The following OPCML variants were observed in gnomAD, a reference collection of about 807,000 sequenced individuals.
OPCML encodes the protein opioid binding protein/cell adhesion molecule like.
A neutral mutation model predicts 37.8 loss-of-function variants in OPCML; 13 were observed. The ratio of observed to expected loss-of-function variants is 0.34; its 90% CI spans 0.22 to 0.55. OPCML has a LOEUF of 0.55. Ranked by LOEUF, OPCML falls within the 20% of genes least tolerant of loss-of-function variation. The pLI, the probability that OPCML is intolerant of heterozygous loss-of-function variation, is 0.91. For synonymous variants in OPCML, 176 were observed against 168.8 expected, an observed-to-expected ratio of 1.04 and a Z score of -0.33; for missense variants, 341 against 435.6, an observed-to-expected ratio of 0.78 and a Z score of 1.93.
At chr11:133,179,035 C>T (rs1937696476) in intron 1 of OPCML, among the ~76,000 whole-genome samples, 1 of 152,138 alleles carries the variant, frequency 6.6e-6, no homozygotes, top group Admixed American at 6.5e-5. Context: ...CCCCATTTTC[C>T]TCTAGGCACC....
intron 2 of OPCML, among the ~76,000 whole-genome samples, chr11:132,896,797 G>A (rs76830065): frequency 0.034 from 5,114 of 152,264 alleles, 283 homozygotes; most frequent in African/African-American, 0.12. Flanking sequence ...ATCAGAGCAC[G>A]GGAGATAATC....
chr11:133,517,829 G>A (rs765436000), intron 1 of OPCML, among the ~76,000 whole-genome samples: 9 of 152,312 alleles, frequency 5.9e-5, no homozygotes, highest in South Asian at 4.2e-4. Context: ...AACCACAGCC[G>A]CTCTTTCAGG....
chr11:132,517,020 T>C (rs933356197), intron 4 of OPCML, among the ~76,000 whole-genome samples: 13 of 152,090 alleles, frequency 8.5e-5, no homozygotes, highest in Non-Finnish European at 1.8e-4. Context: ...CTCTATCTCT[T>C]CTACATATGA....
intron 1 of OPCML, among the ~76,000 whole-genome samples, chr11:133,103,492 G>A (rs568752608): frequency 5.4e-4 from 82 of 152,202 alleles, no homozygotes; most frequent in Non-Finnish European, 1.1e-3. Flanking sequence ...ATCAAACAAC[G>A]AGGGCCAGGC....
At chr11:132,820,309 A>T (rs1430202239) in intron 2 of OPCML, among the ~76,000 whole-genome samples, 7 of 152,166 alleles carry the variant, frequency 4.6e-5, no homozygotes. Context: ...AGGAAGGAAA[A>T]GAAGCCAAAG....
intron 1 of OPCML, among the ~76,000 whole-genome samples, chr11:133,445,866 T>C (rs1946463647): frequency 6.6e-6 from 1 of 151,692 alleles, no homozygotes; most frequent in South Asian, 2.1e-4. Context: ...GTGGAAGATA[T>C]AAAGTTGATT....
At chr11:132,439,087 C>T (rs966070107) in intron 4 of OPCML, among the ~76,000 whole-genome samples, 1 of 152,114 alleles carries the variant, frequency 6.6e-6, no homozygotes, top group South Asian at 2.1e-4. Flanking sequence ...CTAGTGGGAG[C>T]AATCCATTTG....
Position 132,815,840 on chromosome 11 carries a change from A to T in OPCML, c.146+127086T>A, listed in dbSNP as rs548117950. On this transcript the variant is annotated intron_variant, in intron 2 of 7. Transcript: ENST00000524381. The stretch of plus-strand genomic sequence containing the variant: ...GAAGAAGAAAGAGATACTGGATGGC[A>T]TGAAATCCTGAAGAAGAATGCAACA... 2.0e-5 allele frequency among the ~76,000 whole-genome samples: 3 copies of T among 152,368 alleles called. No individual in the cohort carries two copies. The South Asian group carries it at 6.2e-4, about 32-fold the overall frequency.
chr11:133,412,929 A>G (rs78672855), intron 1 of OPCML, among the ~76,000 whole-genome samples: 13,763 of 152,228 alleles, frequency 0.09, 1,822 homozygotes, highest in African/African-American at 0.29. Flanking sequence ...TGCTTAAAAT[A>G]TCTTCCTTCA....
At chr11:133,042,415 G>C (rs572539050) in intron 1 of OPCML, among the ~76,000 whole-genome samples, 1 of 152,158 alleles carries the variant, frequency 6.6e-6, no homozygotes, top group African/African-American at 2.4e-5. Context: ...CAGTTCTGCC[G>C]GCTAGGCGCA....
chr11:133,205,969 T>G lies in OPCML; in HGVS notation c.62-262959A>C, dbSNP rs1265743022. 6.6e-6 allele frequency among the ~76,000 whole-genome samples: 1 copy of G among 152,190 alleles called. No homozygotes were observed. On this transcript the variant is annotated intron_variant, in intron 1 of 7. Transcript: ENST00000524381. This position sits in a 1 kb window ranked among gnomAD's most constrained non-coding sequence, Gnocchi z 4.8. Reference sequence around the variant, plus strand: ...TCTTGCACAAGTTATGTATATCCACTTAGCCCCAGCTCCCTGATGGGTGAG... The same window carrying G: ...TCTTGCACAAGTTATGTATATCCACGTAGCCCCAGCTCCCTGATGGGTGAG...
intron 2 of OPCML, among the ~76,000 whole-genome samples, chr11:132,662,527 T>G (rs1942028081): frequency 6.6e-6 from 1 of 152,014 alleles, no homozygotes; most frequent in Non-Finnish European, 1.5e-5. Context: ...CCGACAAAGT[T>G]CCTGCCCTAT....
At chr11:133,180,525 A>C (rs1169553255) in intron 1 of OPCML, among the ~76,000 whole-genome samples, 13 of 152,168 alleles carry the variant, frequency 8.5e-5, no homozygotes, top group Non-Finnish European at 7.4e-5. Context: ...GGATCTGCAC[A>C]AGAATCACAT....
chr11:132,589,234 T>G (rs2137691950), intron 3 of OPCML, among the ~76,000 whole-genome samples: 1 of 152,218 alleles, frequency 6.6e-6, no homozygotes, highest in Non-Finnish European at 1.5e-5. Flanking sequence ...AACTCCCAAC[T>G]TCCTCTACAC....
chr11:133,404,168 G>T (rs1025861445), intron 1 of OPCML, among the ~76,000 whole-genome samples: 2 of 152,170 alleles, frequency 1.3e-5, no homozygotes, highest in African/African-American at 4.8e-5. Context: ...TATTGGCTGT[G>T]TCTTCACATC....
At chr11:133,359,159 A>G (rs1331706641) in intron 1 of OPCML, among the ~76,000 whole-genome samples, 2 of 152,206 alleles carry the variant, frequency 1.3e-5, no homozygotes, top group African/African-American at 4.8e-5. Context: ...GCTATTCCCT[A>G]TAAAATAAAC....
chr11:132,723,240 C>T (rs1275284714), intron 2 of OPCML, among the ~76,000 whole-genome samples: 2 of 152,198 alleles, frequency 1.3e-5, no homozygotes, highest in African/African-American at 4.8e-5. Context: ...TCACCAAAAC[C>T]GTATATTAAT....
intron 3 of OPCML, among the ~76,000 whole-genome samples, chr11:132,644,530 G>A (rs931370357): frequency 6.6e-6 from 1 of 151,818 alleles, no homozygotes; most frequent in African/African-American, 2.4e-5. Flanking sequence ...TGAAAGAGAG[G>A]GTACAAATAT....
intron 1 of OPCML, among the ~76,000 whole-genome samples, chr11:133,314,106 G>A (rs893353485): frequency 1.2e-4 from 18 of 150,566 alleles, no homozygotes; most frequent in African/African-American, 4.1e-4. Context: ...GTAGTGGCGG[G>A]CGCCTGTAGT....
Sources: allele counts gnomAD v4.1 joint callset (sites outside exome capture counted in the v4.1 genomes callset), GRCh38; gene constraint gnomAD v4.1.1; non-coding constraint Gnocchi (gnomAD v3.1); transcripts MANE v1.5; gene names NCBI Gene and HGNC (gene_info 2026-07-23, HGNC 2026-07-21).